Variants in NR3C2 observed in about 807,000 individuals in gnomAD.
NR3C2 encodes the protein mineralocorticoid receptor.
A neutral mutation model predicts 86.4 loss-of-function variants in NR3C2; 15 were observed. The ratio of observed to expected loss-of-function variants is 0.17; its 90% CI spans 0.12 to 0.27. NR3C2 has a LOEUF of 0.27. Ranked by LOEUF, NR3C2 falls within the 10% of genes least tolerant of loss-of-function variation. The pLI is 1.00. For missense variants in NR3C2, 960 were observed against 1,195.6 expected (o/e 0.80, Z 2.91); for synonymous variants, 458 against 450.5 (o/e 1.02, Z -0.21).
intron 6 of NR3C2, among the ~76,000 whole-genome samples, chr4:148,148,072 A>C (rs1166810527): frequency 2.0e-5 from 3 of 152,218 alleles, no homozygotes; most frequent in Non-Finnish European, 4.4e-5. Flanking sequence ...TGCCTATATA[A>C]TACGTCTTCT....
At chr4:148,251,345 C>T (rs1039408580) in intron 3 of NR3C2, among the ~76,000 whole-genome samples, 1 of 152,190 alleles carries the variant, frequency 6.6e-6, no homozygotes, top group East Asian at 1.9e-4. Context: ...TGCCAAGGCT[C>T]AATGTTAGTA....
chr4:148,423,575 G>A (rs1419875348), intron 2 of NR3C2, among the ~76,000 whole-genome samples: 1 of 152,158 alleles, frequency 6.6e-6, no homozygotes, highest in African/African-American at 2.4e-5. Flanking sequence ...GAAAAAAGCT[G>A]TATACACTCA....
intron 2 of NR3C2, among the ~76,000 whole-genome samples, chr4:148,324,010 C>T (rs1343946886): frequency 6.6e-6 from 1 of 152,188 alleles, no homozygotes; most frequent in East Asian, 1.9e-4. Context: ...CCTCTGCCCT[C>T]TAGGTGTTTC....
chr4:148,435,950 T>C lies in NR3C2; in HGVS notation c.911A>G (p.Asn304Ser). ...RSSVSSPANI[N>S]NSRCSVSSPS... Reference sequence around the variant, plus strand: ...GCTGGAAACAGAGCACCTTGAGTTGTTAATATTTGCAGGGCTAGACACAGA... The same window carrying C: ...GCTGGAAACAGAGCACCTTGAGTTGCTAATATTTGCAGGGCTAGACACAGA... Residue 304 changes from asparagine (N) to serine (S), a missense_variant, in exon 2 of 9, where the codon AAC becomes AGC. Physicochemically the swap from Asn to Ser is conservative, Grantham distance 46. Transcript: ENST00000358102. 1 of 1,614,154 alleles carries C rather than the reference T, an allele frequency of 6.2e-7. No homozygotes were observed. Among genetic ancestry groups the C allele is most frequent in the South Asian group, 1.1e-5 (1 of 91,078 alleles).
At chr4:148,444,910 T>C (rs901919440), upstream of NR3C2, 6 of 984,466 alleles carry the variant, frequency 6.1e-6, no homozygotes, top group South Asian at 2.4e-4. Context: ...AGCGCCACTC[T>C]CCGCGCCCCC....
In NR3C2 at chr4:148,436,406, G is replaced by A. The variant is rs558006881; in HGVS notation, c.455C>T (p.Ser152Phe). The A allele has an allele frequency of 1.2e-6, 2 of 1,614,210 alleles. No individual in the cohort carries two copies. The highest frequency in any genetic ancestry group is 1.7e-5 in the Admixed American group (1 of 60,028). The change falls in exon 2 of 9, where the codon TCC becomes TTC. Residue 152 changes from serine to phenylalanine, a missense_variant. Physicochemically the swap from Ser to Phe is radical, Grantham distance 155 (BLOSUM62 -2). Transcript: ENST00000358102. ...GGGCGTGTTCACACAACTTAGAGTGGAAGGACGATGGCCATTTCCTTTGTA... is the reference window on the plus strand; with the variant it reads ...GGGCGTGTTCACACAACTTAGAGTGAAAGGACGATGGCCATTTCCTTTGTA... ...KFYKGNGHRP[S>F]TLSCVNTPLR... is the part of the protein sequence containing the mutation.
chr4:148,121,159 G>T (rs1323074898), intron 6 of NR3C2, among the ~76,000 whole-genome samples: 1 of 152,204 alleles, frequency 6.6e-6, no homozygotes, highest in Non-Finnish European at 1.5e-5. Flanking sequence ...GAAAGGACTT[G>T]CCAAAGGCCA....
At chr4:148,438,391 A>G (rs558872979) in intron 1 of NR3C2, among the ~76,000 whole-genome samples, 1 of 152,352 alleles carries the variant, frequency 6.6e-6, no homozygotes, top group East Asian at 1.9e-4. Context: ...CACTCACAGT[A>G]AAATTTTATT....
In NR3C2 at chr4:148,143,222, G is replaced by A. The variant is rs374597896; in HGVS notation, c.2510+9247C>T. 7.0e-4 allele frequency among the ~76,000 whole-genome samples: 107 copies of A among 152,322 alleles called. 2 individuals carry two copies. In the South Asian group the frequency reaches 0.021, roughly 30 times the overall value. ...CAGAGAACAGACATCCAGTTAAGAA[G>A]GAGTTTGGATCCTCAGTGCAGCAAA... On this transcript the variant is annotated intron_variant, in intron 6 of 8. Coordinates refer to ENST00000358102, the MANE Select transcript of NR3C2 (RefSeq NM_000901.5).
At chr4:148,386,079 G>A (rs1436390381) in intron 2 of NR3C2, among the ~76,000 whole-genome samples, 2 of 152,170 alleles carry the variant, frequency 1.3e-5, no homozygotes, top group Non-Finnish European at 2.9e-5. Context: ...ACAGAGGAAT[G>A]CTATTGGTGT....
At chr4:148,277,524 C>T (rs567386803) in intron 2 of NR3C2, among the ~76,000 whole-genome samples, 4 of 152,136 alleles carry the variant, frequency 2.6e-5, no homozygotes, top group African/African-American at 4.8e-5. Context: ...AAGTCCTACC[C>T]GAGCAACACA....
intron 4 of NR3C2, among the ~76,000 whole-genome samples, chr4:148,181,778 G>C (rs1013917943): frequency 3.9e-5 from 6 of 152,142 alleles, no homozygotes; most frequent in Non-Finnish European, 8.8e-5. Context: ...ATCTTCTGCT[G>C]TATTTTCCTT....
intron 8 of NR3C2, among the ~76,000 whole-genome samples, chr4:148,084,034 A>G (rs538157750): frequency 6.6e-6 from 1 of 152,366 alleles, no homozygotes; most frequent in East Asian, 1.9e-4. Flanking sequence ...AAAAGACCAA[A>G]TCTACGTTTA....
At chr4:148,233,800 T>C (rs1458687166) in intron 3 of NR3C2, among the ~76,000 whole-genome samples, 1 of 152,082 alleles carries the variant, frequency 6.6e-6, no homozygotes, top group Admixed American at 6.5e-5. Flanking sequence ...CCAAAGCAAT[T>C]ACAATAGCAA....
intron 3 of NR3C2, among the ~76,000 whole-genome samples, chr4:148,198,709 A>C (rs72945988): frequency 0.028 from 4,246 of 149,308 alleles, 183 homozygotes; most frequent in African/African-American, 0.1. Flanking sequence ...GAAAGAACTA[A>C]AAAAAAAAAG....
chr4:148,369,434 A>G (rs971396704), intron 2 of NR3C2, among the ~76,000 whole-genome samples: 1 of 152,232 alleles, frequency 6.6e-6, no homozygotes, highest in African/African-American at 2.4e-5. Context: ...TTGCCCACAG[A>G]AATAAATGCC....
At chr4:148,437,453 T>C (rs1421995320) in intron 1 of NR3C2, among the ~76,000 whole-genome samples, 1 of 152,252 alleles carries the variant, frequency 6.6e-6, no homozygotes, top group African/African-American at 2.4e-5. Context: ...TTTTTGATTT[T>C]TTTAAAAGTA....
At chr4:148,291,985 C>A (rs1367917977) in intron 2 of NR3C2, among the ~76,000 whole-genome samples, 1 of 152,054 alleles carries the variant, frequency 6.6e-6, no homozygotes, top group East Asian at 1.9e-4. Flanking sequence ...GAATATTGTA[C>A]TGCAAGTGAA....
intron 2 of NR3C2, among the ~76,000 whole-genome samples, chr4:148,291,163 A>T (rs1437128706): frequency 6.6e-6 from 1 of 152,100 alleles, no homozygotes; most frequent in Non-Finnish European, 1.5e-5. Context: ...TAAAGGCCAA[A>T]AAGCATGTTT....
Sources: gnomAD v4.1 joint callset for allele counts (sites outside exome capture counted in the v4.1 genomes callset) on GRCh38, gnomAD v4.1.1 for gene constraint, MANE v1.5 for transcripts, NCBI Gene and HGNC (gene_info 2026-07-23, HGNC 2026-07-21) for gene names.